The following MEIS1 variants were observed in gnomAD, a reference collection of about 807,000 sequenced individuals.
MEIS1 encodes homeobox protein Meis1.
Under a neutral mutation model 50.8 loss-of-function variants are expected in MEIS1, and 5 were observed. The observed-to-expected ratio is 0.10, with a 90% CI of 0.05 to 0.21. The LOEUF is 0.21. MEIS1 is among the 10% of genes least tolerant of loss of function. The probability of loss-of-function intolerance (pLI) is 1.00; values close to 1 mark genes in which losing one functional copy is unlikely to be tolerated. For synonymous variants in MEIS1, 176 were observed against 179.3 expected (o/e 0.98, Z 0.15); for missense variants, 318 against 517.3 (o/e 0.61, Z 3.74).
chr2:66,565,261 TAAATC>T (rs1303652874), intron 9 of MEIS1, among the ~76,000 whole-genome samples: 4 of 151,592 alleles, frequency 2.6e-5, no homozygotes, highest in Non-Finnish European at 4.4e-5. Flanking sequence ...GGAATACAGA[TAAATC>T]AAGTCACTGT....
intron 7 of MEIS1, among the ~76,000 whole-genome samples, chr2:66,465,366 T>C (rs1672608856): frequency 6.6e-6 from 1 of 152,206 alleles, no homozygotes; most frequent in Non-Finnish European, 1.5e-5. Flanking sequence ...AATAGTAAAC[T>C]GGTTCAGAGC....
At chr2:66,555,280 C>CTCTCTCTCTCTCTCTCT (rs10695722) in intron 9 of MEIS1, among the ~76,000 whole-genome samples, 1,369 of 133,894 alleles carry the variant, frequency 0.01, 27 homozygotes, top group East Asian at 0.043. Flanking sequence ...CTCTCTCTCT[C>CTCTCTCTCTCTCTCTCT]GTCTCTCTCC....
chr2:66,509,130 T>C (rs1297404197), intron 7 of MEIS1: 1 of 456,716 alleles, frequency 2.2e-6, no homozygotes, highest in East Asian at 7.1e-5. Context: ...AAAGGTACAA[T>C]TGACCATTTA....
At chr2:66,491,478 A>G (rs1294455079) in intron 7 of MEIS1, among the ~76,000 whole-genome samples, 1 of 152,164 alleles carries the variant, frequency 6.6e-6, no homozygotes, top group East Asian at 1.9e-4. Flanking sequence ...ATTCCACCTT[A>G]ATGGGTGGGG....
At chr2:66,493,763 C>T (rs183508203) in intron 7 of MEIS1, among the ~76,000 whole-genome samples, 2 of 152,058 alleles carry the variant, frequency 1.3e-5, no homozygotes, top group African/African-American at 2.4e-5. Flanking sequence ...AGCCCACTAT[C>T]GTATGTTCTC....
intron 9 of MEIS1, among the ~76,000 whole-genome samples, chr2:66,563,290 G>A (rs1166832494): frequency 6.6e-6 from 1 of 152,040 alleles, no homozygotes; most frequent in African/African-American, 2.4e-5. Context: ...GTTGGAGAAT[G>A]TATTTTTTAT....
intron 6 of MEIS1, among the ~76,000 whole-genome samples, chr2:66,446,121 A>AG (rs995672699): frequency 6.6e-6 from 1 of 151,642 alleles, no homozygotes; most frequent in Non-Finnish European, 1.5e-5. Context: ...GCAGAGGGAG[A>AG]GGGGGGCCAT....
chr2:66,477,401 T>C (rs1672919545), intron 7 of MEIS1, among the ~76,000 whole-genome samples: 1 of 152,170 alleles, frequency 6.6e-6, no homozygotes, highest in African/African-American at 2.4e-5. Flanking sequence ...TTTCTTTGTC[T>C]TCTTTTGAAT....
chr2:66,452,508 A>G (rs563805891), intron 6 of MEIS1, among the ~76,000 whole-genome samples: 1 of 151,998 alleles, frequency 6.6e-6, no homozygotes, highest in South Asian at 2.1e-4. Context: ...ACATGTTTAT[A>G]TTTCATAGCT....
chr2:66,561,372 A>T (rs908635663), intron 9 of MEIS1, among the ~76,000 whole-genome samples: 33 of 152,334 alleles, frequency 2.2e-4, no homozygotes, highest in African/African-American at 7.5e-4. Context: ...ACTACCTTCC[A>T]ATGATAAATT....
chr2:66,514,930 C>T (rs1396511471), intron 8 of MEIS1, among the ~76,000 whole-genome samples: 5 of 152,068 alleles, frequency 3.3e-5, no homozygotes, highest in African/African-American at 1.2e-4. Flanking sequence ...ATTTTAAAAA[C>T]CTATAGAATC....
chr2:66,469,106 G>C (rs981413230), intron 7 of MEIS1, among the ~76,000 whole-genome samples: 12 of 151,626 alleles, frequency 7.9e-5, no homozygotes, highest in Admixed American at 1.3e-4. Context: ...AACCCTAAAG[G>C]CTTTTAATGA....
intron 6 of MEIS1, among the ~76,000 whole-genome samples, chr2:66,447,363 C>G (rs905834273): frequency 6.6e-6 from 1 of 152,210 alleles, no homozygotes; most frequent in Admixed American, 6.5e-5. Flanking sequence ...ACAGGACTTG[C>G]AAGTGATAAA....
rs1460523883 is a variant in MEIS1 at position 66,573,735 on chromosome 2, T to A, written c.*2527T>A. ...TAGATGGGATTGTTTAAATCTCCCT[T>A]GTTGACCTAGTGGCAATTCTTCCTC... On this transcript the variant is annotated 3_prime_UTR_variant, in exon 13 of 13. Coordinates refer to ENST00000272369, the MANE Select transcript of MEIS1 (RefSeq NM_002398.3). 1 of 152,218 alleles carries A rather than the reference T, an allele frequency of 6.6e-6. No individual in the cohort carries two copies. Among genetic ancestry groups the A allele is most frequent in the African/African-American group, 2.4e-5 (1 of 41,444 alleles). 9.4% of individuals were successfully genotyped at this position (152,218 alleles called of 1,614,324 possible).
chr2:66,502,778 A>G (rs776190264), intron 7 of MEIS1, among the ~76,000 whole-genome samples: 3 of 152,212 alleles, frequency 2.0e-5, no homozygotes, highest in Non-Finnish European at 4.4e-5. Context: ...GCAATTGCAC[A>G]TAGTTTAACA....
intron 7 of MEIS1, among the ~76,000 whole-genome samples, chr2:66,502,211 G>A (rs942510109): frequency 6.6e-6 from 1 of 152,090 alleles, no homozygotes; most frequent in Non-Finnish European, 1.5e-5. Flanking sequence ...GGAAAAACTT[G>A]ACGTGTTCAG....
At chr2:66,531,045 T>C (rs1240072469) in intron 8 of MEIS1, among the ~76,000 whole-genome samples, 3 of 152,142 alleles carry the variant, frequency 2.0e-5, no homozygotes, top group Non-Finnish European at 4.4e-5. Context: ...CCACACAACA[T>C]TGTAAAATAT....
At chr2:66,459,395 A>G (rs887728557) in intron 6 of MEIS1, among the ~76,000 whole-genome samples, 1 of 152,188 alleles carries the variant, frequency 6.6e-6, no homozygotes, top group Non-Finnish European at 1.5e-5. Context: ...AGGACCTCAG[A>G]TTGTATTCTG....
Position 66,463,149 on chromosome 2 carries a change from A to G in MEIS1, c.631-960A>G, listed in dbSNP as rs752855022. ...GGGTCAGCAAACTCTACTACTATATAGTCATGAAGCCTGACCTTATATGAT... is the reference window on the plus strand; with the variant it reads ...GGGTCAGCAAACTCTACTACTATATGGTCATGAAGCCTGACCTTATATGAT... On this transcript the variant is annotated intron_variant, in intron 6 of 12. Transcript: ENST00000272369. Among the ~76,000 whole-genome samples, 5 of 151,896 alleles carry G rather than the reference A, an allele frequency of 3.3e-5. No individual in the cohort carries two copies. In the South Asian group the frequency reaches 1.0e-3, roughly 32 times the overall value.
Sources: allele counts gnomAD v4.1 joint callset (sites outside exome capture counted in the v4.1 genomes callset), GRCh38; gene constraint gnomAD v4.1.1; transcripts MANE v1.5; gene names NCBI Gene and HGNC (gene_info 2026-07-23, HGNC 2026-07-21).